The following LARP4B variants were observed in gnomAD, a reference collection of about 807,000 sequenced individuals.
The protein encoded by LARP4B is La ribonucleoprotein 4B.
LARP4B carries 12 observed loss-of-function variants against 89.8 expected under a neutral mutation model. The observed-to-expected ratio is 0.13, with a 90% confidence interval of 0.09 to 0.22. The LOEUF (loss-of-function observed/expected upper bound fraction) is 0.22, where lower values mean the gene tolerates loss of function less well. LARP4B is among the 10% of genes least tolerant of loss of function. The probability of loss-of-function intolerance (pLI) is 1.00; values close to 1 mark genes in which losing one functional copy is unlikely to be tolerated. For synonymous variants in LARP4B, 367 were observed against 363.3 expected (o/e 1.01, Z -0.12); for missense variants, 757 against 947.7 (o/e 0.80, Z 2.64).
intron 5 of LARP4B, 47 bp from the exon 6 acceptor site, chr10:845,102 G>C: frequency 7.0e-7 from 1 of 1,426,990 alleles, no homozygotes; most frequent in Non-Finnish European, 9.8e-7. Context: ...TTAAAATTTA[G>C]GAAGCAGATA....
At position 883,296 on chromosome 10, in the gene LARP4B, G is replaced by A. The variant is rs575441214; in HGVS notation, c.141+1151C>T. Among the ~76,000 whole-genome samples the A allele has an allele frequency of 2.0e-3, 300 of 152,106 alleles. 3 individuals carry two copies. The highest frequency in any genetic ancestry group is 0.017 in the South Asian group (83 of 4,804). Reference sequence around the variant, plus strand: ...GGAGGCCGAGGCAGGCAGATCACCTGAGGTCACAAGTTCAAGACCAGCCTG... The same window carrying A: ...GGAGGCCGAGGCAGGCAGATCACCTAAGGTCACAAGTTCAAGACCAGCCTG... On this transcript the variant is annotated intron_variant, in intron 3 of 17. Coordinates refer to ENST00000316157, the MANE Select transcript of LARP4B (RefSeq NM_015155.3).
chr10:961,388 C>T, the LARP4B span, among the ~76,000 whole-genome samples: 2,180 of 150,592 alleles, frequency 0.014, 74 homozygotes, highest in African/African-American at 0.05. Context: ...CCACTCATGG[C>T]GGCGTGGTGC....
chr10:946,529 A>G, the LARP4B span, among the ~76,000 whole-genome samples: 10 of 152,220 alleles, frequency 6.6e-5, no homozygotes, highest in Middle Eastern at 3.2e-3. Flanking sequence ...TCCAGTTATG[A>G]AAGAATCTCA....
chr10:812,686 T>G lies in LARP4B; in HGVS notation c.*240A>C, dbSNP rs868085350. 27 of 367,986 alleles carry G rather than the reference T, an allele frequency of 7.3e-5. No individual in the cohort carries two copies. In the Middle Eastern group the frequency reaches 2.1e-3, roughly 28 times the overall value. 22.8% of individuals were successfully genotyped at this position (367,986 alleles called of 1,614,324 possible). ...TCTATCTTGGAAAAAAAAATCAGAC[T>G]TATGCATCACCTCCAGTTAAGCACC... On this transcript the variant is annotated 3_prime_UTR_variant, in exon 18 of 18. Coordinates refer to ENST00000316157, the MANE Select transcript of LARP4B (RefSeq NM_015155.3).
At chr10:890,094 C>T (rs1835972223) in intron 1 of LARP4B, among the ~76,000 whole-genome samples, 1 of 152,170 alleles carries the variant, frequency 6.6e-6, no homozygotes, top group Admixed American at 6.5e-5. Context: ...TTTTTAGGTA[C>T]ATCTGAAAAC....
the LARP4B span, among the ~76,000 whole-genome samples, chr10:977,017 G>C: frequency 6.6e-6 from 1 of 152,206 alleles, no homozygotes; most frequent in African/African-American, 2.4e-5. Flanking sequence ...TGTGGAACTC[G>C]CTTTCTTGTC....
the LARP4B span, among the ~76,000 whole-genome samples, chr10:948,878 C>T: frequency 2.0e-5 from 3 of 152,144 alleles, no homozygotes; most frequent in Non-Finnish European, 4.4e-5. Flanking sequence ...TGGGTTATGT[C>T]GTCTGCTTAA....
intron 5 of LARP4B, among the ~76,000 whole-genome samples, chr10:860,848 CA>C (rs1283180246): frequency 6.6e-6 from 1 of 151,962 alleles, no homozygotes; most frequent in Non-Finnish European, 1.5e-5. Context: ...CGCAAACTGA[CA>C]TATAGTGATA....
upstream of LARP4B, among the ~76,000 whole-genome samples, chr10:934,924 CAT>C (rs576640464): frequency 9.2e-5 from 14 of 152,312 alleles, no homozygotes; most frequent in South Asian, 1.7e-3. Context: ...AGTGCCAGCA[CAT>C]GTTTCCTTAA....
At chr10:948,392 G>A in the LARP4B span, among the ~76,000 whole-genome samples, 1 of 152,102 alleles carries the variant, frequency 6.6e-6, no homozygotes, top group Non-Finnish European at 1.5e-5. Flanking sequence ...GATTACAGGT[G>A]CCCACCACCA....
chr10:947,903 A>G, the LARP4B span, among the ~76,000 whole-genome samples: 3 of 152,152 alleles, frequency 2.0e-5, no homozygotes, highest in Non-Finnish European at 4.4e-5. Flanking sequence ...GATTACAGGC[A>G]TGAGCCACTG....
chr10:819,187 G>A (rs1211579627), intron 14 of LARP4B: 1 of 152,232 alleles, frequency 6.6e-6, no homozygotes, highest in Non-Finnish European at 1.5e-5. Context: ...TTAAACATCT[G>A]CACGTTTCTG....
At chr10:876,104 G>A (rs555894687) in intron 3 of LARP4B, among the ~76,000 whole-genome samples, 3 of 152,062 alleles carry the variant, frequency 2.0e-5, no homozygotes, top group African/African-American at 7.2e-5. Context: ...AAAAATTCCC[G>A]ACCAGGTGCG....
chr10:874,493 A>T (rs1382434612), intron 3 of LARP4B, among the ~76,000 whole-genome samples: 1 of 152,244 alleles, frequency 6.6e-6, no homozygotes, highest in East Asian at 1.9e-4. Context: ...GGCGTTGTCC[A>T]CAACTAAACA....
rs562732263 is a variant in LARP4B, at chr10:841,632, C to A, written c.646+1300G>T. On this transcript the variant is annotated intron_variant, in intron 7 of 17. Coordinates refer to ENST00000316157, the MANE Select transcript of LARP4B (RefSeq NM_015155.3). ...TAAACCTGAAACTCCTAATCATAAC[C>A]AAAAAGACTTCAGAGTACAAACAGG... is the stretch of plus-strand genomic sequence containing the variant. 5.9e-5 allele frequency among the ~76,000 whole-genome samples: 9 copies of A among 152,272 alleles called. No homozygotes were observed. The South Asian group carries it at 1.7e-3, about 28-fold the overall frequency.
chr10:952,262 C>T, the LARP4B span, among the ~76,000 whole-genome samples: 29 of 145,590 alleles, frequency 2.0e-4, 1 homozygote, highest in African/African-American at 6.7e-4. Context: ...ATGGCATGAA[C>T]CTGGGAGGTG....
At chr10:970,805 G>A in the LARP4B span, among the ~76,000 whole-genome samples, 12 of 152,204 alleles carry the variant, frequency 7.9e-5, no homozygotes, top group Admixed American at 7.2e-4. Flanking sequence ...TGCAAGCAGA[G>A]CCAGAGGGAT....
the LARP4B span, among the ~76,000 whole-genome samples, chr10:976,885 T>C: frequency 6.7e-6 from 1 of 150,256 alleles, no homozygotes; most frequent in Admixed American, 6.6e-5. Flanking sequence ...TTGTGCAACG[T>C]GTGGACCCAA....
At chr10:949,805 G>A in the LARP4B span, among the ~76,000 whole-genome samples, 2 of 152,110 alleles carry the variant, frequency 1.3e-5, no homozygotes, top group Non-Finnish European at 2.9e-5. Context: ...TAACTGGACT[G>A]CACTTTTTTT....
Sources: gnomAD v4.1 joint callset for allele counts (sites outside exome capture counted in the v4.1 genomes callset) on GRCh38, gnomAD v4.1.1 for gene constraint, MANE v1.5 for transcripts, NCBI Gene and HGNC (gene_info 2026-07-23, HGNC 2026-07-21) for gene names.